The following SDC1 variants were observed in gnomAD, a reference collection of about 807,000 sequenced individuals.
The protein encoded by SDC1 is syndecan 1.
A neutral mutation model predicts 29.7 loss-of-function variants in SDC1; 14 were observed. The ratio of observed to expected loss-of-function variants is 0.47; its 90% CI spans 0.31 to 0.74. The LOEUF (loss-of-function observed/expected upper bound fraction) is 0.74. Among genes scored for constraint, SDC1 ranks in the 30% least tolerant of loss-of-function variants. The probability of loss-of-function intolerance (pLI) is 0.05; values close to 1 mark genes in which losing one functional copy is unlikely to be tolerated. For missense variants in SDC1, 406 were observed against 400.3 expected, an observed-to-expected ratio of 1.01 and a Z score of -0.12; for synonymous variants, 204 against 175.5, an observed-to-expected ratio of 1.16 and a Z score of -1.29.
Position 20,224,900 on chromosome 2 carries a change from C to A in SDC1, c.-33G>T. The A allele has an allele frequency of 8.3e-7, 1 of 1,209,802 alleles. No individual in the cohort carries two copies. Among genetic ancestry groups the A allele is most frequent in the South Asian group, 4.1e-5 (1 of 24,504 alleles). 74.9% of individuals were successfully genotyped at this position (1,209,802 alleles called of 1,614,324 possible). A position where few individuals can be genotyped will look rare whatever the true frequency, so the allele number is the denominator to read the frequency against. ...GGACCGGCGGCGGGAGAGCGGCAGG[C>A]TGCGCGGGTCGCGGCTGCGGGCCGG... On this transcript the variant is annotated 5_prime_UTR_variant, in exon 1 of 5. Coordinates refer to ENST00000254351, the MANE Select transcript of SDC1 (RefSeq NM_002997.5). This position sits in a 1 kb window ranked among gnomAD's most constrained non-coding sequence, Gnocchi z 4.9.
At chr2:20,223,734 G>T (rs976037563) in intron 1 of SDC1, among the ~76,000 whole-genome samples, 1 of 152,224 alleles carries the variant, frequency 6.6e-6, no homozygotes, top group African/African-American at 2.4e-5. Context: ...GGTTACAGGG[G>T]CCGAGAACAA....
intron 1 of SDC1, among the ~76,000 whole-genome samples, chr2:20,206,052 T>C (rs540522893): frequency 1.3e-5 from 2 of 152,352 alleles, no homozygotes; most frequent in Admixed American, 6.5e-5. Context: ...GGCCTGGCCC[T>C]GATACACCTT....
At chr2:20,223,275 G>C in intron 1 of SDC1, 1 of 1,299,228 alleles carries the variant, frequency 7.7e-7, no homozygotes, top group Non-Finnish European at 1.0e-6. Flanking sequence ...CCATGAGACA[G>C]ACTCTGTAAA....
chr2:20,202,466 G>A lies in SDC1; in HGVS notation c.*300C>T. On this transcript the variant is annotated 3_prime_UTR_variant, in exon 5 of 5. Coordinates refer to ENST00000254351, the MANE Select transcript of SDC1 (RefSeq NM_002997.5). ...CCCCCTCCCCTCCAGAGCTGGACCT[G>A]GGGAGAGGCTGCTTCAGTTTGGAGA... The A allele has an allele frequency of 1.7e-6, 1 of 593,618 alleles. No homozygotes were observed. Among genetic ancestry groups the A allele is most frequent in the East Asian group, 2.8e-5 (1 of 35,176 alleles). The allele number at this position is 593,618 out of a possible 1,614,324, so 36.8% of individuals were successfully genotyped here.
intron 1 of SDC1, among the ~76,000 whole-genome samples, chr2:20,213,249 G>A (rs1677527528): frequency 1.3e-5 from 2 of 152,214 alleles, no homozygotes; most frequent in South Asian, 4.1e-4. Flanking sequence ...GAGCCGTGGA[G>A]CTGGAAGACC....
chr2:20,218,485 C>T (rs1203883870), intron 1 of SDC1, among the ~76,000 whole-genome samples: 2 of 152,148 alleles, frequency 1.3e-5, no homozygotes. Flanking sequence ...GGCCCAAATG[C>T]AGTGGCAACC....
rs1254408130 is a variant in SDC1, at chr2:20,204,223, C to T, written c.217G>A (p.Ala73Thr). The T allele has an allele frequency of 1.6e-5, 25 of 1,595,990 alleles. No individual in the cohort carries two copies. The highest frequency in any genetic ancestry group is 2.1e-5 in the Non-Finnish European group (25 of 1,178,032). Residue 73 changes from alanine (A) to threonine (T), a missense_variant, in exon 3 of 5, where the codon GCT becomes ACT. Physicochemically the swap from Ala to Thr is moderately conservative, Grantham distance 58 (BLOSUM62 0). Transcript: ENST00000254351. ...GTGGGTTCTGGAGACGTGGGAATAGCCGTCAGGAGCTGCGTGTCCTTCCAA... is the reference window on the plus strand; with the variant it reads ...GTGGGTTCTGGAGACGTGGGAATAGTCGTCAGGAGCTGCGTGTCCTTCCAA... Reference protein sequence around the residue: ...STWKDTQLLTAIPTSPEPTGL... With the variant: ...STWKDTQLLTTIPTSPEPTGL...
intron 1 of SDC1, among the ~76,000 whole-genome samples, chr2:20,215,996 T>G (rs1180834045): frequency 1.3e-5 from 2 of 152,158 alleles, no homozygotes; most frequent in Non-Finnish European, 2.9e-5. Flanking sequence ...TGGGCCAGAG[T>G]GCCCACTGCA....
At chr2:20,208,105 G>A in intron 1 of SDC1, 1 of 985,438 alleles carries the variant, frequency 1.0e-6, no homozygotes, top group Non-Finnish European at 1.2e-6. Context: ...AGAACCATTG[G>A]ATCCATGCTC....
intron 4 of SDC1, 21 bp downstream of exon 4, chr2:20,203,066 C>T (rs754348392): frequency 1.0e-5 from 16 of 1,585,076 alleles, no homozygotes; most frequent in Non-Finnish European, 1.3e-5. Context: ...CCCCAAACTA[C>T]CCCCCTGAAA....
chr2:20,206,867 C>T lies in SDC1; in HGVS notation c.67-1443G>A, dbSNP rs527528467. Among the ~76,000 whole-genome samples, 31 of 152,334 alleles carry T rather than the reference C, an allele frequency of 2.0e-4. No individual in the cohort carries two copies. In the East Asian group the frequency reaches 4.8e-3, roughly 24 times the overall value. On this transcript the variant is annotated intron_variant, in intron 1 of 4. Coordinates refer to ENST00000254351, the MANE Select transcript of SDC1 (RefSeq NM_002997.5). The stretch of plus-strand genomic sequence containing the variant: ...CCCAGTGGGCACCCACAAACAGTGG[C>T]CACTGTCTAACTAGGGGAGCCTCAA...
chr2:20,207,700 C>T (rs563114272), intron 1 of SDC1, among the ~76,000 whole-genome samples: 6 of 152,216 alleles, frequency 3.9e-5, no homozygotes, highest in East Asian at 1.9e-4. Flanking sequence ...AGCAAGACTC[C>T]GTCTCAATCA....
At chr2:20,212,870 G>T in intron 1 of SDC1, among the ~76,000 whole-genome samples, 1 of 152,204 alleles carries the variant, frequency 6.6e-6, no homozygotes, top group Middle Eastern at 3.2e-3. Context: ...TGTCCTGGGG[G>T]CTTCCAGGGC....
chr2:20,222,920 T>C (rs1045043785), intron 1 of SDC1, among the ~76,000 whole-genome samples: 4 of 152,176 alleles, frequency 2.6e-5, no homozygotes, highest in African/African-American at 9.7e-5. Context: ...TGTGCGAGAA[T>C]GGGGCAGTGA....
chr2:20,204,366 T>A, intron 2 of SDC1, 75 bp from the exon 3 acceptor site: 1 of 624,720 alleles, frequency 1.6e-6, no homozygotes, highest in Non-Finnish European at 2.7e-6. Context: ...GTTGGGTGGG[T>A]CGGGGGAGGC....
At chr2:20,212,390 A>T (rs760674916) in intron 1 of SDC1, among the ~76,000 whole-genome samples, 15 of 151,854 alleles carry the variant, frequency 9.9e-5, no homozygotes, top group Non-Finnish European at 2.1e-4. Context: ...ACAGGCCAGG[A>T]GACACTGGGC....
At chr2:20,223,154 G>T in intron 1 of SDC1, 1 of 877,776 alleles carries the variant, frequency 1.1e-6, no homozygotes, top group South Asian at 1.4e-5. Context: ...CAGTTCAATA[G>T]GCACAGGGAC....
rs762744656 is a variant in SDC1 at position 20,202,289 on chromosome 2, G to A, written c.*477C>T. 1.2e-5 allele frequency: 9 copies of A among 778,928 alleles called. No individual in the cohort carries two copies. The highest frequency in any genetic ancestry group is 6.8e-5 in the African/African-American group (4 of 59,064). 48.3% of individuals were successfully genotyped at this position (778,928 alleles called of 1,614,324 possible). A position where few individuals can be genotyped will look rare whatever the true frequency, so the allele number is the denominator to read the frequency against. ...CGATATCTAGATTAGACCTCCCCACGAAACAAAGTGGACTCCTGTCCCCTG... is the reference window on the plus strand; with the variant it reads ...CGATATCTAGATTAGACCTCCCCACAAAACAAAGTGGACTCCTGTCCCCTG... On this transcript the variant is annotated 3_prime_UTR_variant, in exon 5 of 5. Transcript: ENST00000254351.
At chr2:20,214,882 T>G (rs1677582931) in intron 1 of SDC1, among the ~76,000 whole-genome samples, 1 of 152,202 alleles carries the variant, frequency 6.6e-6, no homozygotes, top group Admixed American at 6.5e-5. Flanking sequence ...TGGCAATCAG[T>G]TTTTTCCAAG....
Sources: gnomAD v4.1 joint callset for allele counts (sites outside exome capture counted in the v4.1 genomes callset) on GRCh38, gnomAD v4.1.1 for gene constraint, Gnocchi (gnomAD v3.1) non-coding constraint, MANE v1.5 for transcripts, NCBI Gene and HGNC (gene_info 2026-07-23, HGNC 2026-07-21) for gene names.